LRIG2: variants seen among roughly 807,000 people sequenced by gnomAD.
The protein encoded by LRIG2 is leucine rich repeats and immunoglobulin like domains 2.
In LRIG2, 93 loss-of-function variants were observed where a neutral mutation model predicts 107.8. That is an observed-to-expected ratio of 0.86 (90% CI 0.73 to 1.03). LRIG2 has a LOEUF of 1.03. LRIG2 is among the 50% of genes least tolerant of loss of function. The probability of loss-of-function intolerance (pLI) is 0.00; values close to 1 mark genes in which losing one functional copy is unlikely to be tolerated. For missense variants in LRIG2, 1,226 were observed against 1,296.0 expected (o/e 0.95, Z 0.83); for synonymous variants, 471 against 470.6 (o/e 1.00, Z -0.01).
rs1394805797 is a variant in LRIG2 at position 113,124,192 on chromosome 1, T to G, written c.*91T>G. On this transcript the variant is annotated 3_prime_UTR_variant, in exon 18 of 18. Transcript: ENST00000361127. Reference sequence around the variant, plus strand: ...CTCAGAAGAAACTCCGAAGTCAGCATTTGCTTTACTCTTTCTTTATGATTG... The same window carrying G: ...CTCAGAAGAAACTCCGAAGTCAGCAGTTGCTTTACTCTTTCTTTATGATTG... The G allele has an allele frequency of 9.0e-7, 1 of 1,107,528 alleles. No individual in the cohort carries two copies. Among genetic ancestry groups the G allele is most frequent in the South Asian group, 1.4e-5 (1 of 71,182 alleles). The allele number at this position is 1,107,528 out of a possible 1,614,324, so 68.6% of individuals were successfully genotyped here. A position where few individuals can be genotyped will look rare whatever the true frequency, so the allele number is the denominator to read the frequency against.
chr1:113,095,900 G>T lies in LRIG2; in HGVS notation c.830G>T (p.Arg277Leu), dbSNP rs551365528. ...ELELEHNNLT[R>L]VNKGWLYGLR... ...GAACTGGAACACAACAACCTTACAC[G>T]AGTAAACAAGGGGTGGTTGTATGGC... The change falls in exon 7 of 18, where the codon CGA becomes CTA. Residue 277 changes from arginine (R) to leucine (L), a missense_variant. This residue lies in a region of LRIG2 where 570 missense variants were observed against 550.2 expected (regional missense o/e 1.04). Transcript: ENST00000361127. The T allele has an allele frequency of 2.0e-5, 33 of 1,614,152 alleles. No individual in the cohort carries two copies. The South Asian group carries it at 3.5e-4, about 17-fold the overall frequency.
intron 1 of LRIG2, among the ~76,000 whole-genome samples, chr1:113,084,622 A>G (rs568565761): frequency 0.29 from 4,397 of 15,186 alleles, 214 homozygotes; most frequent in South Asian, 0.31. Flanking sequence ...GCATTTTCCA[A>G]TTAAAACAAA....
rs1276884659 is a variant in LRIG2, at chr1:113,119,538, TTTG to T, written c.2971+21_2971+23del. 1.9e-5 allele frequency: 31 copies of T among 1,607,580 alleles called. No homozygotes were observed. Among genetic ancestry groups the T allele is most frequent in the Non-Finnish European group, 2.6e-5 (31 of 1,176,862 alleles). On this transcript the variant is annotated intron_variant, in intron 17 of 17. Coordinates refer to ENST00000361127, the MANE Select transcript of LRIG2 (RefSeq NM_014813.3). ...GATGAGCGGTGGTAAGGGATGTATT[TTTG>T]TTGTTATTTTGTTTTTACTTTCGTC...
At chr1:113,082,087 G>A (rs533151416) in intron 1 of LRIG2, among the ~76,000 whole-genome samples, 3 of 152,324 alleles carry the variant, frequency 2.0e-5, no homozygotes, top group African/African-American at 7.2e-5. Context: ...CCCCTGGCTT[G>A]CATGATACTG....
intron 1 of LRIG2, among the ~76,000 whole-genome samples, chr1:113,083,919 A>G (rs920488187): frequency 2.4e-4 from 36 of 149,812 alleles, no homozygotes; most frequent in Admixed American, 6.7e-5. Context: ...GAGTTAATGG[A>G]TGCAGCACAC....
rs1466439451 is a variant in LRIG2 at position 113,124,352 on chromosome 1, G to T, written c.*251G>T. On this transcript the variant is annotated 3_prime_UTR_variant, in exon 18 of 18. Transcript: ENST00000361127. ...CAGAGGGAAGATACGGGGCAAATGT[G>T]CTTCCTGATGCTTCCATGGGGATGT... The T allele has an allele frequency of 5.8e-6, 3 of 520,760 alleles. No individual in the cohort carries two copies. The highest frequency in any genetic ancestry group is 1.9e-5 in the African/African-American group (1 of 52,194). 32.3% of individuals were successfully genotyped at this position (520,760 alleles called of 1,614,324 possible).
Position 113,089,676 on chromosome 1 carries a change from C to CT in LRIG2, c.240-1620dup, listed in dbSNP as rs35515644. The stretch of plus-strand genomic sequence containing the variant: ...ATTTCCTCTTACTGAAGGTGGATTG[C>CT]TTTTTTTTTTTTTTTTTTTTTTGGA... On this transcript the variant is annotated intron_variant, in intron 1 of 17. Coordinates refer to ENST00000361127, the MANE Select transcript of LRIG2 (RefSeq NM_014813.3). Among the ~76,000 whole-genome samples, 106 of 71,690 alleles carry CT rather than the reference C, an allele frequency of 1.5e-3. 3 individuals are homozygous for CT. Among genetic ancestry groups the CT allele is most frequent in the African/African-American group, 4.8e-3 (98 of 20,492 alleles). 47.0% of individuals were successfully genotyped at this position (71,690 alleles called of 152,430 possible). A position where few individuals can be genotyped will look rare whatever the true frequency, so the allele number is the denominator to read the frequency against.
rs1652802868 is a variant in LRIG2, at chr1:113,073,530, C to G, written c.124C>G (p.Leu42Val). The G allele has an allele frequency of 1.2e-6, 2 of 1,613,942 alleles. No homozygotes were observed. Among genetic ancestry groups the G allele is most frequent in the African/African-American group, 1.3e-5 (1 of 74,934 alleles). The change falls in exon 1 of 18, where the codon CTC becomes GTC. Residue 42 changes from leucine to valine, a missense_variant. Around this residue, in one of 3 missense-constraint regions of LRIG2, gnomAD observed 570 missense variants for 550.2 expected, o/e 1.04. Transcript: ENST00000361127. ...CCTGTTGCCCGCCGCCGGAGCAGGTCTCTGCCCCGCGCCCTGCTCCTGCCG... is the reference window on the plus strand; with the variant it reads ...CCTGTTGCCCGCCGCCGGAGCAGGTGTCTGCCCCGCGCCCTGCTCCTGCCG... ...LLLLPAAGAG[L>V]CPAPCSCRIP...
intron 1 of LRIG2, among the ~76,000 whole-genome samples, chr1:113,077,059 C>T (rs752187956): frequency 1.8e-4 from 28 of 152,016 alleles, no homozygotes; most frequent in South Asian, 6.2e-4. Flanking sequence ...GGGTTAAGGA[C>T]GCTTCTATAG....
At chr1:113,116,083 C>T (rs931163729) in intron 15 of LRIG2, among the ~76,000 whole-genome samples, 1 of 152,122 alleles carries the variant, frequency 6.6e-6, no homozygotes, top group African/African-American at 2.4e-5. Context: ...GGTTTTGTTT[C>T]TTTCAATGAA....
At chr1:113,090,855 AT>A (rs1553227328) in intron 1 of LRIG2, among the ~76,000 whole-genome samples, 10 of 141,030 alleles carry the variant, frequency 7.1e-5, no homozygotes, top group African/African-American at 2.3e-4. Flanking sequence ...AAACAAAAAA[AT>A]TTTTTTTTTT....
intron 1 of LRIG2, among the ~76,000 whole-genome samples, chr1:113,089,949 C>T (rs1653729506): frequency 6.6e-6 from 1 of 151,712 alleles, no homozygotes; most frequent in Admixed American, 6.6e-5. Flanking sequence ...CCCGCCTTGG[C>T]CTCCCAAAGT....
chr1:113,116,164 C>G (rs554427505), intron 15 of LRIG2, 123 bp from the exon 16 acceptor site: 180 of 619,372 alleles, frequency 2.9e-4, no homozygotes, highest in Non-Finnish European at 4.5e-4. Flanking sequence ...AGAGCTGTTG[C>G]GGTCCTAGGT....
chr1:113,108,211 T>C (rs1385676113), intron 12 of LRIG2, among the ~76,000 whole-genome samples: 1 of 151,666 alleles, frequency 6.6e-6, no homozygotes, highest in Admixed American at 6.6e-5. Flanking sequence ...CTAGCACTTA[T>C]AATTTCAAAT....
Position 113,114,616 on chromosome 1 carries a change from G to A in LRIG2, c.2270G>A (p.Gly757Glu). 2 of 1,613,984 alleles carry A rather than the reference G, an allele frequency of 1.2e-6. No individual in the cohort carries two copies. The highest frequency in any genetic ancestry group is 1.3e-5 in the African/African-American group (1 of 74,976). ...CAGCTTCTCATCATTGTAGATGCCG[G>A]GCTAGAAGATGCTGGGAAATATACC... ...ANQLLIIVDAGLEDAGKYTCI... is the reference protein window; with the variant it reads ...ANQLLIIVDAELEDAGKYTCI... The change falls in exon 15 of 18, where the codon GGG becomes GAG. Residue 757 changes from glycine to glutamate, a missense_variant. Coordinates refer to ENST00000361127, the MANE Select transcript of LRIG2 (RefSeq NM_014813.3).
In LRIG2 at chr1:113,110,226, AT is replaced by A. The variant is rs771447104; in HGVS notation, c.1478-9del. ...AAATAACTGACTTGGCTACGGATGC[AT>A]TTTTTTCCCCTTAGATGATTTTCTC... On this transcript the variant is annotated splice_polypyrimidine_tract_variant and intron_variant, in intron 12 of 17. Coordinates refer to ENST00000361127, the MANE Select transcript of LRIG2 (RefSeq NM_014813.3). 44 of 1,546,748 alleles carry A rather than the reference AT, an allele frequency of 2.8e-5. No homozygotes were observed. Among genetic ancestry groups the A allele is most frequent in the East Asian group, 6.8e-5 (3 of 44,068 alleles).
At position 113,126,488 on chromosome 1, in the gene LRIG2, A is replaced by G. The variant is rs1051636799; in HGVS notation, c.*2387A>G. The G allele has an allele frequency of 6.6e-6, 1 of 151,730 alleles. No individual in the cohort carries two copies. The highest frequency in any genetic ancestry group is 1.5e-5 in the Non-Finnish European group (1 of 67,940). The allele number at this position is 151,730 out of a possible 1,614,324, so 9.4% of individuals were successfully genotyped here. A position where few individuals can be genotyped will look rare whatever the true frequency, so the allele number is the denominator to read the frequency against. On this transcript the variant is annotated 3_prime_UTR_variant, in exon 18 of 18. Transcript: ENST00000361127. The stretch of plus-strand genomic sequence containing the variant: ...TTTTCCACTTTCCTCTGTTTTCCCT[A>G]TTTTCTCCCCTGGGAAATCTTGCAG...
rs558121885 is a variant in LRIG2, at chr1:113,114,360, C to A, written c.2081-67C>A. 7.1e-5 allele frequency: 69 copies of A among 974,410 alleles called. 1 individual carries two copies. The East Asian group carries it at 8.3e-4, about 12-fold the overall frequency. 60.4% of individuals were successfully genotyped at this position (974,410 alleles called of 1,614,324 possible). A position where few individuals can be genotyped will look rare whatever the true frequency, so the allele number is the denominator to read the frequency against. ...TTATTATACCCCCATTGGTCTAATT[C>A]AGTAGAAATTAGGGAATAAAATTGC... On this transcript the variant is annotated intron_variant, in intron 14 of 17. Coordinates refer to ENST00000361127, the MANE Select transcript of LRIG2 (RefSeq NM_014813.3).
In LRIG2 at chr1:113,073,237, C is replaced by A; in HGVS notation, c.-170C>A. ...CGTCAGGCCGTGTGTCCCAGGCCGT[C>A]GACCCCGCTGTCGCGCTGCGTCTGC... is the stretch of plus-strand genomic sequence containing the variant. On this transcript the variant is annotated 5_prime_UTR_variant, in exon 1 of 18. Coordinates refer to ENST00000361127, the MANE Select transcript of LRIG2 (RefSeq NM_014813.3). 1.6e-6 allele frequency: 1 copy of A among 634,548 alleles called. No individual in the cohort carries two copies. The highest frequency in any genetic ancestry group is 2.8e-6 in the Non-Finnish European group (1 of 358,590). 39.3% of individuals were successfully genotyped at this position (634,548 alleles called of 1,614,324 possible).
Sources: allele counts gnomAD v4.1 joint callset (sites outside exome capture counted in the v4.1 genomes callset), GRCh38; gene constraint gnomAD v4.1.1; regional missense constraint gnomAD v4.1.1; transcripts MANE v1.5; gene names NCBI Gene and HGNC (gene_info 2026-07-23, HGNC 2026-07-21).